Variants in CARMIL2 observed in about 807,000 individuals in gnomAD.
CARMIL2 encodes the protein capping protein, Arp2/3 and myosin-I linker protein 2.
A neutral mutation model predicts 173.3 loss-of-function variants in CARMIL2; 96 were observed. That is an observed-to-expected ratio of 0.55 (90% CI 0.47 to 0.66). The LOEUF is 0.66. CARMIL2 is among the 30% of genes least tolerant of loss of function. The pLI is 0.00. For missense variants in CARMIL2, 1,771 were observed against 1,906.7 expected (o/e 0.93, Z 1.33); for synonymous variants, 830 against 817.1 (o/e 1.02, Z -0.27).
At position 67,646,093 on chromosome 16, in the gene CARMIL2, G is replaced by A. The variant is rs1457073131; in HGVS notation, c.249+13G>A. 2 of 1,613,702 alleles carry A rather than the reference G, an allele frequency of 1.2e-6. No homozygotes were observed. The highest frequency in any genetic ancestry group is 8.5e-7 in the Non-Finnish European group (1 of 1,179,896). ...GACACCCCCTCAGGTGAGACACCTA[G>A]TACCCTACCTGGGCCTGCAGCCTGG... On this transcript the variant is annotated intron_variant, in intron 4 of 37. Transcript: ENST00000334583. The surrounding 1 kb of genome is among the most constrained non-coding windows in gnomAD (Gnocchi z 4.6).
rs1296263218 is a variant in CARMIL2 at position 67,651,674 on chromosome 16, C to T, written c.2428-11C>T. The T allele has an allele frequency of 6.2e-7, 1 of 1,604,522 alleles. No individual in the cohort carries two copies. Among genetic ancestry groups the T allele is most frequent in the Non-Finnish European group, 8.5e-7 (1 of 1,176,240 alleles). ...CACATCCTCACCATGCTCTGACTGACCTTTGTCTAGGACTTCACTCAGGCC... is the reference window on the plus strand; with the variant it reads ...CACATCCTCACCATGCTCTGACTGATCTTTGTCTAGGACTTCACTCAGGCC... On this transcript the variant is annotated splice_polypyrimidine_tract_variant and intron_variant, in intron 24 of 37. Transcript: ENST00000334583. The surrounding 1 kb of genome is among the most constrained non-coding windows in gnomAD (Gnocchi z 4.2).
At chr16:67,645,311 C>T in intron 1 of CARMIL2, 25 bp downstream of exon 1, 1 of 1,594,318 alleles carries the variant, frequency 6.3e-7, no homozygotes, top group East Asian at 2.3e-5. Context: ...TTCCTGCCTT[C>T]TTGGCCGGGA....
At position 67,651,154 on chromosome 16, in the gene CARMIL2, G is replaced by A. The variant is rs779358026; in HGVS notation, c.2185-33G>A. On this transcript the variant is annotated intron_variant, in intron 22 of 37. Coordinates refer to ENST00000334583, the MANE Select transcript of CARMIL2 (RefSeq NM_001013838.3). The surrounding 1 kb of genome is among the most constrained non-coding windows in gnomAD (Gnocchi z 4.2). Reference sequence around the variant, plus strand: ...GCAGGATCTGGGAGACTGGGAGGGGGCTAGGCTGAGACTGATCCCCATTTC... The same window carrying A: ...GCAGGATCTGGGAGACTGGGAGGGGACTAGGCTGAGACTGATCCCCATTTC... 1.9e-6 allele frequency: 3 copies of A among 1,601,950 alleles called. No individual in the cohort carries two copies. The highest frequency in any genetic ancestry group is 1.7e-4 in the Middle Eastern group (1 of 6,026).
intron 11 of CARMIL2, 35 bp from the exon 12 acceptor site, chr16:67,647,645 A>C (rs141278110): frequency 0.01 from 16,654 of 1,600,990 alleles, 108 homozygotes; most frequent in Non-Finnish European, 0.012. Context: ...CAGCAGGAGG[A>C]GGTGAGACCC....
chr16:67,656,616 AGGACCCTTGCTT>A lies in CARMIL2; in HGVS notation c.4010_4021del (p.Asp1337_Leu1340del). On this transcript the variant is annotated inframe_deletion, in exon 35 of 38. Transcript: ENST00000334583. ...TCCCCAGACAGCCTGGGCCTCCCAGAGGACCCTTGCTTGGGCCCCAGAAATGAAGGTAGGCAG... is the reference window on the plus strand; with the variant it reads ...TCCCCAGACAGCCTGGGCCTCCCAGAGGGCCCCAGAAATGAAGGTAGGCAG... The A allele has an allele frequency of 1.9e-6, 3 of 1,602,426 alleles. No homozygotes were observed. The African/African-American group carries it at 4.0e-5, about 21-fold the overall frequency.
At position 67,652,520 on chromosome 16, in the gene CARMIL2, C is replaced by T. The variant is rs371810811; in HGVS notation, c.2866C>T (p.Leu956=). ...GCCTGAGCTCAGCCACGGTCTTCAC[C>T]TGGTCCCCTTCATTCACAGTAAGTC... is the stretch of plus-strand genomic sequence containing the variant. ...KWPELSHGLH[L]VPFIHSAAEE... is the part of the protein sequence containing the mutation. The change falls in exon 28 of 38, where the codon CTG becomes TTG. Residue 956 remains leucine (L), a synonymous_variant. Transcript: ENST00000334583. The surrounding 1 kb of genome is among the most constrained non-coding windows in gnomAD (Gnocchi z 4.7). 19 of 1,613,472 alleles carry T rather than the reference C, an allele frequency of 1.2e-5. No individual in the cohort carries two copies. The highest frequency in any genetic ancestry group is 1.6e-4 in the Middle Eastern group (1 of 6,080).
Position 67,653,790 on chromosome 16 carries a change from T to C in CARMIL2, c.3121-359T>C, listed in dbSNP as rs1302220611. Among the ~76,000 whole-genome samples the C allele has an allele frequency of 7.8e-6, 1 of 127,902 alleles. No homozygotes were observed. The highest frequency in any genetic ancestry group is 3.0e-5 in the African/African-American group (1 of 33,828). 83.9% of individuals were successfully genotyped at this position (127,902 alleles called of 152,430 possible). A position where few individuals can be genotyped will look rare whatever the true frequency, so the allele number is the denominator to read the frequency against. On this transcript the variant is annotated intron_variant, in intron 29 of 37. Coordinates refer to ENST00000334583, the MANE Select transcript of CARMIL2 (RefSeq NM_001013838.3). The surrounding 1 kb of genome is among the most constrained non-coding windows in gnomAD (Gnocchi z 7.4). Reference sequence around the variant, plus strand: ...CAGGCCGGGTGGAGTGGGGGTGGGGTGGGGGACACTGCAGGGAACTGTTCG... The same window carrying C: ...CAGGCCGGGTGGAGTGGGGGTGGGGCGGGGGACACTGCAGGGAACTGTTCG...
Position 67,655,751 on chromosome 16 carries a change from T to C in CARMIL2, c.3706-280T>C, listed in dbSNP as rs140687591. ...TCTCCTCTGTGGGCCACCCTGCTAA[T>C]GTCTCTCTCATTAGAGTCCCAAAGA... On this transcript the variant is annotated intron_variant, in intron 32 of 37. Coordinates refer to ENST00000334583, the MANE Select transcript of CARMIL2 (RefSeq NM_001013838.3). Among the ~76,000 whole-genome samples, 758 of 152,322 alleles carry C rather than the reference T, an allele frequency of 5.0e-3. 1 individual carries two copies. The highest frequency in any genetic ancestry group is 0.017 in the African/African-American group (724 of 41,576).
In CARMIL2 at chr16:67,656,874, C is replaced by T; in HGVS notation, c.4110C>T (p.Ala1370=). The T allele has an allele frequency of 6.5e-7, 1 of 1,546,842 alleles. No homozygotes were observed. Among genetic ancestry groups the T allele is most frequent in the Non-Finnish European group, 8.7e-7 (1 of 1,144,142 alleles). Residue 1370 remains alanine (A), a synonymous_variant, in exon 36 of 38, where the codon GCC becomes GCT. Coordinates refer to ENST00000334583, the MANE Select transcript of CARMIL2 (RefSeq NM_001013838.3). ...AVSVHEDQLQ[A]PAERPLRLQR... ...CTGTGCATGAGGACCAGCTCCAGGC[C>T]CCTGCTGGTGAGGGGAGACACCTCC...
In CARMIL2 at chr16:67,654,859, G is replaced by C. The variant is rs767991741; in HGVS notation, c.3664G>C (p.Val1222Leu). The C allele has an allele frequency of 1.2e-6, 2 of 1,613,712 alleles. No individual in the cohort carries two copies. Among genetic ancestry groups the C allele is most frequent in the Non-Finnish European group, 1.7e-6 (2 of 1,179,892 alleles). Residue 1222 changes from valine to leucine, a missense_variant, in exon 32 of 38, where the codon GTC becomes CTC. By Grantham distance (32) the Val-to-Leu change is conservative (BLOSUM62 1). This residue lies in a region of CARMIL2 where 817 missense variants were observed against 903.5 expected (regional missense o/e 0.90). Transcript: ENST00000334583. ...RVQVMLQRIG[V>L]SRGSGGAEGK... ...ACAAGTAATGCTGCAGAGGATAGGC[G>C]TCAGCCGAGGCAGCGGGGGTGCCGA...
Position 67,657,109 on chromosome 16 carries a change from C to A in CARMIL2, c.4118-130C>A. The A allele has an allele frequency of 1.1e-6, 1 of 887,434 alleles. No individual in the cohort carries two copies. Among genetic ancestry groups the A allele is most frequent in the Non-Finnish European group, 1.8e-6 (1 of 562,338 alleles). 55.0% of individuals were successfully genotyped at this position (887,434 alleles called of 1,614,324 possible). ...TCTGCCAGGGGTGAGGACGCAGGGA[C>A]GGGGGATGCTCTGAAGGCAGCAGTG... On this transcript the variant is annotated intron_variant, in intron 36 of 37. Coordinates refer to ENST00000334583, the MANE Select transcript of CARMIL2 (RefSeq NM_001013838.3). The surrounding 1 kb of genome is among the most constrained non-coding windows in gnomAD (Gnocchi z 4.5).
In CARMIL2 at chr16:67,646,871, C is replaced by G. The variant is rs377708039; in HGVS notation, c.538-29C>G. 6.2e-7 allele frequency: 1 copy of G among 1,613,454 alleles called. No individual in the cohort carries two copies. The highest frequency in any genetic ancestry group is 8.5e-7 in the Non-Finnish European group (1 of 1,179,528). On this transcript the variant is annotated intron_variant, in intron 7 of 37. Coordinates refer to ENST00000334583, the MANE Select transcript of CARMIL2 (RefSeq NM_001013838.3). The surrounding 1 kb of genome is among the most constrained non-coding windows in gnomAD (Gnocchi z 4.6). ...CCTCCCTGCCCCTTGTGGCCCCAGGCGAACTGTAAGCATCTCCTTCTCACC... is the reference window on the plus strand; with the variant it reads ...CCTCCCTGCCCCTTGTGGCCCCAGGGGAACTGTAAGCATCTCCTTCTCACC...
chr16:67,655,999 G>C, intron 32 of CARMIL2, 32 bp from the exon 33 acceptor site: 1 of 1,570,338 alleles, frequency 6.4e-7, no homozygotes, highest in Non-Finnish European at 8.6e-7. Context: ...GGAGCGGGCA[G>C]GGCTGGAATC....
rs954448703 is a variant in CARMIL2 at position 67,646,484 on chromosome 16, C to G, written c.433C>G (p.Pro145Ala). Residue 145 changes from proline to alanine, a missense_variant, in exon 6 of 38, where the codon CCC becomes GCC. By Grantham distance (27) the Pro-to-Ala change is conservative (BLOSUM62 -1). This residue lies in a region of CARMIL2 where 944 missense variants were observed against 975.6 expected (regional missense o/e 0.97). Transcript: ENST00000334583. This position sits in a 1 kb window ranked among gnomAD's most constrained non-coding sequence, Gnocchi z 4.6. ...GCTGGCTCGGCTGGAGAGAAGCAGC[C>G]CCTCGGAGTCCACTGACCCCTGCAG... ...SMLARLERSS[P>A]SESTDPCSPC... The G allele has an allele frequency of 1.2e-6, 2 of 1,613,290 alleles. No individual in the cohort carries two copies. The highest frequency in any genetic ancestry group is 1.7e-6 in the Non-Finnish European group (2 of 1,179,872).
chr16:67,652,372 C>T lies in CARMIL2; in HGVS notation c.2817+33C>T, dbSNP rs773913455. ...GTTTTAGAACACGGGGCATGGCACTCCCAGTCTTCCCATCTTGCTGTGGAG... is the reference window on the plus strand; with the variant it reads ...GTTTTAGAACACGGGGCATGGCACTTCCAGTCTTCCCATCTTGCTGTGGAG... On this transcript the variant is annotated intron_variant, in intron 27 of 37. Transcript: ENST00000334583. This position sits in a 1 kb window ranked among gnomAD's most constrained non-coding sequence, Gnocchi z 4.7. The T allele has an allele frequency of 6.8e-6, 11 of 1,612,136 alleles. No individual in the cohort carries two copies. The highest frequency in any genetic ancestry group is 1.7e-5 in the Admixed American group (1 of 59,896).
chr16:67,657,176 G>T lies in CARMIL2; in HGVS notation c.4118-63G>T, dbSNP rs1250193653. The stretch of plus-strand genomic sequence containing the variant: ...TATGTGCACTGGAGGTGGAAGAGAG[G>T]GGCAGGGGATGGACAGACCCCAAGC... On this transcript the variant is annotated intron_variant, in intron 36 of 37. Coordinates refer to ENST00000334583, the MANE Select transcript of CARMIL2 (RefSeq NM_001013838.3). This position sits in a 1 kb window ranked among gnomAD's most constrained non-coding sequence, Gnocchi z 4.5. The T allele has an allele frequency of 7.0e-7, 1 of 1,432,370 alleles. No homozygotes were observed. The highest frequency in any genetic ancestry group is 1.2e-5 in the South Asian group (1 of 84,008). 88.7% of individuals were successfully genotyped at this position (1,432,370 alleles called of 1,614,324 possible).
rs928164851 is a variant in CARMIL2 at position 67,646,588 on chromosome 16, G to T, written c.466+71G>T. ...CTGCCTCCCCAGACCCGCAAGCTGG[G>T]GGGGCCCCAAACTGAACAGAGCCAT... On this transcript the variant is annotated intron_variant, in intron 6 of 37. Transcript: ENST00000334583. This position sits in a 1 kb window ranked among gnomAD's most constrained non-coding sequence, Gnocchi z 4.6. The T allele has an allele frequency of 1.9e-5, 30 of 1,585,638 alleles. No individual in the cohort carries two copies. Among genetic ancestry groups the T allele is most frequent in the Non-Finnish European group, 2.6e-5 (30 of 1,157,996 alleles).
In CARMIL2 at chr16:67,654,493, G is replaced by C. The variant is rs779712556; in HGVS notation, c.3383G>C (p.Arg1128Pro). Residue 1128 changes from arginine (R) to proline (P), a missense_variant, in exon 31 of 38, where the codon CGA becomes CCA. Transcript: ENST00000334583. Reference sequence around the variant, plus strand: ...AGCCCTGGGGCAGCTCCCCGAACCCGAAAAACTACATTTGGCGACCTACTG... The same window carrying C: ...AGCCCTGGGGCAGCTCCCCGAACCCCAAAAACTACATTTGGCGACCTACTG... ...ETSPGAAPRT[R>P]KTTFGDLLRP... 2 of 1,612,734 alleles carry C rather than the reference G, an allele frequency of 1.2e-6. No homozygotes were observed. Among genetic ancestry groups the C allele is most frequent in the East Asian group, 2.2e-5 (1 of 44,868 alleles).
In CARMIL2 at chr16:67,648,557, T is replaced by G. The variant is rs2052647306; in HGVS notation, c.1439+55T>G. 23 of 1,353,958 alleles carry G rather than the reference T, an allele frequency of 1.7e-5. No homozygotes were observed. The highest frequency in any genetic ancestry group is 5.8e-5 in the East Asian group (2 of 34,730). 83.9% of individuals were successfully genotyped at this position (1,353,958 alleles called of 1,614,324 possible). A position where few individuals can be genotyped will look rare whatever the true frequency, so the allele number is the denominator to read the frequency against. ...CGGGCGCTCCCACCCTGCCCTGGCC[T>G]TCGCCCCTCCCCGCTCCTGCTTCTG... is the stretch of plus-strand genomic sequence containing the variant. On this transcript the variant is annotated intron_variant, in intron 15 of 37. Transcript: ENST00000334583. The surrounding 1 kb of genome is among the most constrained non-coding windows in gnomAD (Gnocchi z 6.1).
Sources: allele counts gnomAD v4.1 joint callset (sites outside exome capture counted in the v4.1 genomes callset), GRCh38; gene constraint gnomAD v4.1.1; regional missense constraint gnomAD v4.1.1; non-coding constraint Gnocchi (gnomAD v3.1); transcripts MANE v1.5; gene names NCBI Gene and HGNC (gene_info 2026-07-23, HGNC 2026-07-21).